BBS4: variants seen among roughly 807,000 people sequenced by gnomAD.
BBS4 encodes the protein Bardet-Biedl syndrome 4.
BBS4 carries 58 observed loss-of-function variants against 71.4 expected under a neutral mutation model. The observed-to-expected ratio is 0.81, with a 90% confidence interval of 0.66 to 1.01. The LOEUF is 1.01. BBS4 is among the 50% of genes least tolerant of loss of function. BBS4 has a pLI of 0.00. For synonymous variants in BBS4, 228 were observed against 216.8 expected (o/e 1.05, Z -0.46); for missense variants, 660 against 607.9 (o/e 1.09, Z -0.90).
chr15:72,736,969 A>C lies in BBS4; in HGVS notation c.1450+6A>C, dbSNP rs1364666740. ...ATACAGGACGCTCCCCTCAGGTAGG[A>C]CCATACAGAGCTCCATGAAGACCTG... On this transcript the variant is annotated splice_donor_region_variant and intron_variant, in intron 15 of 15. Coordinates refer to ENST00000268057, the MANE Select transcript of BBS4 (RefSeq NM_033028.5). 2 of 1,613,834 alleles carry C rather than the reference A, an allele frequency of 1.2e-6. No homozygotes were observed. Among genetic ancestry groups the C allele is most frequent in the Admixed American group, 1.7e-5 (1 of 60,008 alleles).
intron 9 of BBS4, among the ~76,000 whole-genome samples, chr15:72,728,933 C>T (rs1254615706): frequency 1.3e-5 from 2 of 152,142 alleles, no homozygotes; most frequent in African/African-American, 4.8e-5. Flanking sequence ...GAGCTTAACC[C>T]TGGGTCTTCC....
chr15:72,700,180 C>T lies in BBS4; in HGVS notation c.76+4952C>T, dbSNP rs562098240. On this transcript the variant is annotated intron_variant, in intron 2 of 15. Coordinates refer to ENST00000268057, the MANE Select transcript of BBS4 (RefSeq NM_033028.5). ...GTCTTGAATTCCTTACCTCATGATC[C>T]GCCCGCCTCAGCCTCCCATAGTGCT... Among the ~76,000 whole-genome samples, 5 of 152,226 alleles carry T rather than the reference C, an allele frequency of 3.3e-5. 1 individual carries two copies. The highest frequency in any genetic ancestry group is 7.2e-5 in the African/African-American group (3 of 41,548).
intron 2 of BBS4, among the ~76,000 whole-genome samples, chr15:72,703,243 G>A (rs944350549): frequency 6.6e-6 from 1 of 152,118 alleles, no homozygotes; most frequent in Non-Finnish European, 1.5e-5. Flanking sequence ...TTCCCTCCCC[G>A]ACCTTCAGGC....
intron 1 of BBS4, among the ~76,000 whole-genome samples, chr15:72,691,739 C>T (rs1038190840): frequency 2.0e-5 from 3 of 151,980 alleles, no homozygotes; most frequent in Non-Finnish European, 4.4e-5. Flanking sequence ...GCCGAGGCTG[C>T]GGATCATGAG....
Position 72,695,154 on chromosome 15 carries a change from ATAGAC to A in BBS4, c.25-20_25-16del. The stretch of plus-strand genomic sequence containing the variant: ...CAAGTTTATATTGTGGTGCTTCAAT[ATAGAC>A]TACTTATTTCATTTCAGAGAACTCA... On this transcript the variant is annotated intron_variant, in intron 1 of 15. Coordinates refer to ENST00000268057, the MANE Select transcript of BBS4 (RefSeq NM_033028.5). 6.4e-7 allele frequency: 1 copy of A among 1,574,728 alleles called. No individual in the cohort carries two copies. Among genetic ancestry groups the A allele is most frequent in the South Asian group, 1.1e-5 (1 of 89,512 alleles).
At chr15:72,722,197 GT>G (rs955724102) in intron 6 of BBS4, among the ~76,000 whole-genome samples, 1 of 152,216 alleles carries the variant, frequency 6.6e-6, no homozygotes, top group African/African-American at 2.4e-5. Flanking sequence ...ATGGACCATA[GT>G]TTTCCCATGT....
chr15:72,714,884 TATTG>T (rs2065440739), intron 4 of BBS4, among the ~76,000 whole-genome samples: 1 of 152,190 alleles, frequency 6.6e-6, no homozygotes, highest in African/African-American at 2.4e-5. Flanking sequence ...GAATTTGAGG[TATTG>T]ATTCCATTTG....
chr15:72,734,013 C>G (rs1053962119), intron 12 of BBS4, among the ~76,000 whole-genome samples: 1 of 152,184 alleles, frequency 6.6e-6, no homozygotes, highest in Non-Finnish European at 1.5e-5. Context: ...TTGCATTTCT[C>G]TAATCAGTGA....
chr15:72,702,727 T>C (rs2065192550), intron 2 of BBS4, among the ~76,000 whole-genome samples: 1 of 151,182 alleles, frequency 6.6e-6, no homozygotes, highest in South Asian at 2.1e-4. Flanking sequence ...GATGTTTCTC[T>C]TGATCCTGGG....
chr15:72,690,811 A>C (rs1011811977), intron 1 of BBS4, among the ~76,000 whole-genome samples: 2 of 152,198 alleles, frequency 1.3e-5, no homozygotes, highest in African/African-American at 4.8e-5. Flanking sequence ...GCTATATACG[A>C]GTTAACATTT....
chr15:72,715,251 C>T (rs992089074), intron 4 of BBS4, 40 bp from the exon 5 acceptor site: 1 of 1,492,670 alleles, frequency 6.7e-7, no homozygotes, highest in East Asian at 2.3e-5. Flanking sequence ...CTTCCCAGAA[C>T]ATGGTTTTAC....
chr15:72,708,955 G>A lies in BBS4; in HGVS notation c.77-745G>A, dbSNP rs1190234611. On this transcript the variant is annotated intron_variant, in intron 2 of 15. Coordinates refer to ENST00000268057, the MANE Select transcript of BBS4 (RefSeq NM_033028.5). ...TGTTTATCAAGACAATTTGTGCACC[G>A]CTGAACATAGACTCTTATCAGTAAT... Among the ~76,000 whole-genome samples the A allele has an allele frequency of 5.3e-5, 8 of 152,166 alleles. No homozygotes were observed. The East Asian group carries it at 7.7e-4, about 15-fold the overall frequency.
chr15:72,689,720 A>AAAAAAC (rs56090490), intron 1 of BBS4, among the ~76,000 whole-genome samples: 145,735 of 151,818 alleles, frequency 0.96, 70,229 homozygotes, highest in South Asian at 1. Flanking sequence ...CTTTGTCTGA[A>AAAAAAC]AAAAACAAAA....
intron 11 of BBS4, 42 bp downstream of exon 11, chr15:72,731,499 G>A: frequency 6.2e-7 from 1 of 1,614,192 alleles, no homozygotes; most frequent in Non-Finnish European, 8.5e-7. Flanking sequence ...TTCTACATGT[G>A]GTTATTGGGT....
chr15:72,731,437 G>C lies in BBS4; in HGVS notation c.844G>C (p.Gly282Arg). Residue 282 changes from glycine to arginine, a missense_variant, in exon 11 of 16, where the codon GGC becomes CGC. By Grantham distance (125) the Gly-to-Arg change is moderately radical. Coordinates refer to ENST00000268057, the MANE Select transcript of BBS4 (RefSeq NM_033028.5). ...GAATAACATTGGAATGTGTTTCTTT[G>C]GCAAGAAGAAATATGTGGCGGTGAG... ...LWNNIGMCFF[G>R]KKKYVAAISC... is the part of the protein sequence containing the mutation. 1.9e-6 allele frequency: 3 copies of C among 1,614,114 alleles called. No individual in the cohort carries two copies. Among genetic ancestry groups the C allele is most frequent in the Non-Finnish European group, 2.5e-6 (3 of 1,180,026 alleles).
In BBS4 at chr15:72,724,599, C is replaced by G. The variant is rs2065634194; in HGVS notation, c.531C>G (p.Ile177Met). The G allele has an allele frequency of 1.9e-6, 3 of 1,614,078 alleles. No homozygotes were observed. The highest frequency in any genetic ancestry group is 2.2e-5 in the East Asian group (1 of 44,872). The change falls in exon 8 of 16, where the codon ATC becomes ATG. Residue 177 changes from isoleucine to methionine, a missense_variant. By Grantham distance (10) the Ile-to-Met change is conservative (BLOSUM62 1). Coordinates refer to ENST00000268057, the MANE Select transcript of BBS4 (RefSeq NM_033028.5). ...TGACTTATATAATGCTGGGGAAGAT[C>G]CACTTGCTGGAGGGAGACTTGGACA... The part of the protein sequence containing the change: ...HDLTYIMLGK[I>M]HLLEGDLDKA...
Position 72,724,534 on chromosome 15 carries a change from G to C in BBS4, c.466G>C (p.Asp156His). The C allele has an allele frequency of 6.2e-7, 1 of 1,613,964 alleles. No individual in the cohort carries two copies. The highest frequency in any genetic ancestry group is 1.1e-5 in the South Asian group (1 of 91,066). The change falls in exon 8 of 16, where the codon GAC becomes CAC. Residue 156 changes from aspartate to histidine, a missense_variant. Physicochemically the swap from Asp to His is moderately conservative, Grantham distance 81 (BLOSUM62 -1). Coordinates refer to ENST00000268057, the MANE Select transcript of BBS4 (RefSeq NM_033028.5). ...IYLKQFNKAQ[D>H]QLHNALNLNR... ...ATTTTGTTAAACTTGTCAGGCACAA[G>C]ACCAGTTGCACAATGCCCTGAATCT...
intron 2 of BBS4, among the ~76,000 whole-genome samples, chr15:72,697,259 G>C (rs910051631): frequency 1.5e-4 from 23 of 152,202 alleles, no homozygotes; most frequent in Non-Finnish European, 2.9e-4. Context: ...TAAGAAAAGA[G>C]AAGAACTATC....
chr15:72,707,933 A>C (rs527465024), intron 2 of BBS4, among the ~76,000 whole-genome samples: 57 of 151,178 alleles, frequency 3.8e-4, no homozygotes, highest in African/African-American at 1.3e-3. Context: ...GTGTTTAACT[A>C]TTTAAAATAT....
Sources: gnomAD v4.1 joint callset for allele counts (sites outside exome capture counted in the v4.1 genomes callset) on GRCh38, gnomAD v4.1.1 for gene constraint, MANE v1.5 for transcripts, NCBI Gene and HGNC (gene_info 2026-07-23, HGNC 2026-07-21) for gene names.